Variants in NEMP1 observed in about 807,000 individuals in gnomAD.
NEMP1 encodes the protein transmembrane protein 194.
Under a neutral mutation model 53.7 loss-of-function variants are expected in NEMP1, and 29 were observed. That is an observed-to-expected ratio of 0.54 (90% CI 0.40 to 0.74). The LOEUF (loss-of-function observed/expected upper bound fraction) is 0.74. Among genes scored for constraint, NEMP1 ranks in the 30% least tolerant of loss-of-function variants. NEMP1 has a pLI of 0.00. For synonymous variants in NEMP1, 193 were observed against 192.9 expected (o/e 1.00, Z 0.00); for missense variants, 477 against 528.6 (o/e 0.90, Z 0.96).
rs77668218 is a variant in NEMP1, at chr12:57,070,459, G to A, written c.472+215C>T. Among the ~76,000 whole-genome samples, 250 of 152,326 alleles carry A rather than the reference G, an allele frequency of 1.6e-3. 3 individuals carry two copies. Among genetic ancestry groups the A allele is most frequent in the Admixed American group, 4.5e-3 (69 of 15,302 alleles). ...AGTCTTCACAGTTCCAGGTAAGGAGGTACTCAGAATTTCCTGAGGTGGAGT... is the reference window on the plus strand; with the variant it reads ...AGTCTTCACAGTTCCAGGTAAGGAGATACTCAGAATTTCCTGAGGTGGAGT... On this transcript the variant is annotated intron_variant, in intron 3 of 8. Transcript: ENST00000300128.
At chr12:57,073,606 T>G (rs1413026799) in intron 1 of NEMP1, among the ~76,000 whole-genome samples, 1 of 152,010 alleles carries the variant, frequency 6.6e-6, no homozygotes, top group Non-Finnish European at 1.5e-5. Flanking sequence ...ATCACGCCAT[T>G]GCACCCCAGC....
In NEMP1 at chr12:57,059,070, GAGA is replaced by G. The variant is rs1196737768; in HGVS notation, c.*806_*808del. 1.3e-5 allele frequency: 2 copies of G among 152,220 alleles called. No individual in the cohort carries two copies. The highest frequency in any genetic ancestry group is 4.8e-5 in the African/African-American group (2 of 41,458). The allele number at this position is 152,220 out of a possible 1,614,324, so 9.4% of individuals were successfully genotyped here. ...AAGGCAGGGTAAGGAAGAATGGGAA[GAGA>G]AGAATACAAATGTTTTTTAAGATGG... On this transcript the variant is annotated 3_prime_UTR_variant, in exon 9 of 9. Transcript: ENST00000300128.
chr12:57,064,891 C>A lies in NEMP1; in HGVS notation c.546-152G>T, dbSNP rs7312600. On this transcript the variant is annotated intron_variant, in intron 4 of 8. Transcript: ENST00000300128. ...AGACATTTCAAATTTGGTTCCAGAC[C>A]ACTGCAATAAACCAAATATTGCAAT... 1,232 of 554,296 alleles carry A rather than the reference C, an allele frequency of 2.2e-3. 18 individuals are homozygous for A. Among genetic ancestry groups the A allele is most frequent in the African/African-American group, 0.02 (1,060 of 52,376 alleles). The allele number at this position is 554,296 out of a possible 1,614,324, so 34.3% of individuals were successfully genotyped here.
In NEMP1 at chr12:57,063,491, A is replaced by G. The variant is rs1404796177; in HGVS notation, c.755-147T>C. 19 of 676,684 alleles carry G rather than the reference A, an allele frequency of 2.8e-5. No individual in the cohort carries two copies. In the East Asian group the frequency reaches 4.7e-4, roughly 17 times the overall value. 41.9% of individuals were successfully genotyped at this position (676,684 alleles called of 1,614,324 possible). A position where few individuals can be genotyped will look rare whatever the true frequency, so the allele number is the denominator to read the frequency against. The stretch of plus-strand genomic sequence containing the variant: ...TTAATTTTTCACACTTTTTTCTTAG[A>G]ATATATTTCTCTAAGTTTCTATCCT... On this transcript the variant is annotated intron_variant, in intron 6 of 8. Coordinates refer to ENST00000300128, the MANE Select transcript of NEMP1 (RefSeq NM_001130963.2).
At chr12:57,085,821 C>G (rs922348615) in intron 1 of NEMP1, among the ~76,000 whole-genome samples, 1 of 152,218 alleles carries the variant, frequency 6.6e-6, no homozygotes, top group African/African-American at 2.4e-5. Flanking sequence ...ATATGGAAAA[C>G]AAATGTCTTC....
At chr12:57,077,059 G>A (rs1176688663) in intron 1 of NEMP1, among the ~76,000 whole-genome samples, 1 of 152,174 alleles carries the variant, frequency 6.6e-6, no homozygotes, top group African/African-American at 2.4e-5. Context: ...AAGGCCGGGT[G>A]TGGAGGCTCA....
At chr12:57,066,094 A>G (rs1261963865) in intron 4 of NEMP1, among the ~76,000 whole-genome samples, 1 of 151,996 alleles carries the variant, frequency 6.6e-6, no homozygotes, top group Non-Finnish European at 1.5e-5. Flanking sequence ...CTCTACTAAA[A>G]ATACAAAAAA....
chr12:57,086,485 T>C (rs2032995953), intron 1 of NEMP1, among the ~76,000 whole-genome samples: 1 of 150,024 alleles, frequency 6.7e-6, no homozygotes, highest in Admixed American at 6.7e-5. Flanking sequence ...AGGAAACAAA[T>C]GAAAATTTTT....
At chr12:57,070,133 C>A (rs2032278232) in intron 3 of NEMP1, among the ~76,000 whole-genome samples, 1 of 152,214 alleles carries the variant, frequency 6.6e-6, no homozygotes, top group Admixed American at 6.5e-5. Flanking sequence ...TCTCAGTCAT[C>A]TTCAGAAAAG....
At chr12:57,074,708 G>T (rs2032520022) in intron 1 of NEMP1, among the ~76,000 whole-genome samples, 2 of 152,208 alleles carry the variant, frequency 1.3e-5, no homozygotes, top group Non-Finnish European at 2.9e-5. Context: ...AGCAGGCAAT[G>T]ATTACATGCA....
rs2031494607 is a variant in NEMP1 at position 57,055,771 on chromosome 12, C to G, written c.*4108G>C. ...TAAGACCCATGGCAAAGAGCCATCC[C>G]TGATAATTTTGTTCCTTTCAAACAT... On this transcript the variant is annotated 3_prime_UTR_variant, in exon 9 of 9. Transcript: ENST00000300128. 6.6e-6 allele frequency: 1 copy of G among 152,172 alleles called. No homozygotes were observed. The highest frequency in any genetic ancestry group is 1.5e-5 in the Non-Finnish European group (1 of 68,026). The allele number at this position is 152,172 out of a possible 1,614,324, so 9.4% of individuals were successfully genotyped here.
intron 4 of NEMP1, 23 bp from the exon 5 acceptor site, chr12:57,064,762 A>G (rs751318977): frequency 6.4e-7 from 1 of 1,554,202 alleles, no homozygotes; most frequent in Non-Finnish European, 8.9e-7. Context: ...AATGTATTTC[A>G]TGACCATATG....
At chr12:57,063,969 A>G in intron 6 of NEMP1, 102 bp downstream of exon 6, 1 of 645,370 alleles carries the variant, frequency 1.5e-6, no homozygotes, top group South Asian at 1.9e-5. Context: ...AAAAAATGAC[A>G]TGAACTATTA....
rs984337234 is a variant in NEMP1 at position 57,078,701 on chromosome 12, G to A, written c.45C>T (p.Pro15=). ...MKVAVSPAVG[P]GPWGSGVGGG... is the part of the protein sequence containing the mutation. ...CCCCGACTCCCGAGCCCCAGGGCCC[G>A]GGACCAACTGCCGGCGAGACCGCCA... The change falls in exon 1 of 9, where the codon CCC becomes CCT. Residue 15 remains proline (P), a synonymous_variant. Coordinates refer to ENST00000300128, the MANE Select transcript of NEMP1 (RefSeq NM_001130963.2). The A allele has an allele frequency of 8.7e-6, 14 of 1,613,192 alleles. No individual in the cohort carries two copies. The highest frequency in any genetic ancestry group is 2.7e-5 in the African/African-American group (2 of 74,898).
At chr12:57,073,063 A>C (rs750285643) in intron 1 of NEMP1, 151 bp from the exon 2 acceptor site, 52 of 575,700 alleles carry the variant, frequency 9.0e-5, no homozygotes, top group Non-Finnish European at 1.3e-4. Context: ...AGAAGAAGGA[A>C]GAACTAAGGC....
In NEMP1 at chr12:57,078,721, C is replaced by T; in HGVS notation, c.25G>A (p.Val9Ile). MAGGMKVA[V>I]SPAVGPGPWG... ...GGCCCGGGACCAACTGCCGGCGAGA[C>T]CGCCACTTTCATTCCTCCCGCCATG... Residue 9 changes from valine (V) to isoleucine (I), a missense_variant, in exon 1 of 9, where the codon GTC (valine) becomes ATC (isoleucine). Transcript: ENST00000300128. 6.2e-7 allele frequency: 1 copy of T among 1,612,758 alleles called. No homozygotes were observed. Among genetic ancestry groups the T allele is most frequent in the Non-Finnish European group, 8.5e-7 (1 of 1,179,208 alleles).
In NEMP1 at chr12:57,059,694, T is replaced by C. The variant is rs1254467023; in HGVS notation, c.*185A>G. 5.4e-6 allele frequency: 3 copies of C among 552,498 alleles called. No homozygotes were observed. The highest frequency in any genetic ancestry group is 6.1e-5 in the Admixed American group (2 of 32,610). The allele number at this position is 552,498 out of a possible 1,614,324, so 34.2% of individuals were successfully genotyped here. A position where few individuals can be genotyped will look rare whatever the true frequency, so the allele number is the denominator to read the frequency against. ...GCATTCACTACTTTATCCACTCTCC[T>C]TCCTCAGGGATCCCATAGAGACCTC... On this transcript the variant is annotated 3_prime_UTR_variant, in exon 9 of 9. Coordinates refer to ENST00000300128, the MANE Select transcript of NEMP1 (RefSeq NM_001130963.2).
At chr12:57,066,766 C>G (rs960257607) in intron 4 of NEMP1, among the ~76,000 whole-genome samples, 2 of 150,174 alleles carry the variant, frequency 1.3e-5, no homozygotes, top group Admixed American at 1.3e-4. Flanking sequence ...TAGGAGGGAA[C>G]TGGTGGGAGA....
intron 4 of NEMP1, among the ~76,000 whole-genome samples, chr12:57,068,195 A>G (rs2032185554): frequency 6.6e-6 from 1 of 151,506 alleles, no homozygotes; most frequent in African/African-American, 2.4e-5. Flanking sequence ...TGCATTCACT[A>G]CTCCACAAAT....
Sources: allele counts gnomAD v4.1 joint callset (sites outside exome capture counted in the v4.1 genomes callset), GRCh38; gene constraint gnomAD v4.1.1; transcripts MANE v1.5; gene names NCBI Gene and HGNC (gene_info 2026-07-23, HGNC 2026-07-21).